The following PDGFRL variants were observed in gnomAD, a reference collection of about 807,000 sequenced individuals.
The protein encoded by PDGFRL is platelet-derived growth factor receptor-like protein.
Under a neutral mutation model 37.2 loss-of-function variants are expected in PDGFRL, and 46 were observed. The observed-to-expected ratio is 1.24, with a 90% CI of 0.98 to 1.58. The LOEUF is 1.58. Among genes scored for constraint, PDGFRL ranks in the 40% most tolerant of loss-of-function variants. The probability of loss-of-function intolerance (pLI) is 0.00; values close to 1 mark genes in which losing one functional copy is unlikely to be tolerated. For missense variants in PDGFRL, 692 were observed against 467.6 expected (o/e 1.48, Z -4.43); for synonymous variants, 251 against 184.3 (o/e 1.36, Z -2.93).
At chr8:17,632,307 T>G (rs147688276) in intron 4 of PDGFRL, among the ~76,000 whole-genome samples, 1,722 of 152,208 alleles carry the variant, frequency 0.011, 11 homozygotes, top group Non-Finnish European at 0.018. Flanking sequence ...TATGTCCACC[T>G]TTTCTTTCTC....
intron 2 of PDGFRL, among the ~76,000 whole-genome samples, chr8:17,593,085 T>C (rs987232162): frequency 6.6e-6 from 1 of 152,178 alleles, no homozygotes; most frequent in Admixed American, 6.5e-5. Context: ...TCTAGCATTG[T>C]GGATATAACA....
At chr8:17,641,944 A>C (rs1805119600) in intron 5 of PDGFRL, among the ~76,000 whole-genome samples, 1 of 118,798 alleles carries the variant, frequency 8.4e-6, no homozygotes, top group Admixed American at 1.2e-4. Context: ...GTATTCACTT[A>C]GTGATATATT....
upstream of PDGFRL, chr8:17,576,569 G>A: frequency 5.0e-6 from 1 of 198,564 alleles, no homozygotes; most frequent in Non-Finnish European, 9.1e-6. Flanking sequence ...ACCCTAGCCC[G>A]TGCTTACCCT....
rs901362796 is a variant in PDGFRL at position 17,628,394 on chromosome 8, C to T, written c.506-93C>T. 2.0e-5 allele frequency: 18 copies of T among 881,172 alleles called. No homozygotes were observed. In the African/African-American group the frequency reaches 2.7e-4, roughly 13 times the overall value. 54.6% of individuals were successfully genotyped at this position (881,172 alleles called of 1,614,324 possible). The stretch of plus-strand genomic sequence containing the variant: ...ACCCGGCCTTTCCTACTCCTAAGGA[C>T]TCAGTATTCAGAGTATGCTGCCAAA... On this transcript the variant is annotated intron_variant, in intron 3 of 5. Coordinates refer to ENST00000251630, the MANE Select transcript of PDGFRL (RefSeq NM_001372073.1).
chr8:17,599,757 C>G (rs920916077), intron 2 of PDGFRL, among the ~76,000 whole-genome samples: 1 of 152,324 alleles, frequency 6.6e-6, no homozygotes, highest in South Asian at 2.1e-4. Flanking sequence ...TATCCCCTAA[C>G]TTATTAAGAA....
chr8:17,613,831 C>T (rs1433892551), intron 2 of PDGFRL, among the ~76,000 whole-genome samples: 1 of 152,056 alleles, frequency 6.6e-6, no homozygotes, highest in Admixed American at 6.6e-5. Context: ...TGCCCTCCAG[C>T]CTGGGTAACA....
At chr8:17,600,472 C>A (rs1396502817) in intron 2 of PDGFRL, among the ~76,000 whole-genome samples, 1 of 152,070 alleles carries the variant, frequency 6.6e-6, no homozygotes, top group Non-Finnish European at 1.5e-5. Flanking sequence ...GAGCTCCAGA[C>A]TGAGCTACCT....
At chr8:17,623,352 T>C (rs1585326567) in intron 3 of PDGFRL, among the ~76,000 whole-genome samples, 2 of 152,358 alleles carry the variant, frequency 1.3e-5, no homozygotes, top group South Asian at 4.1e-4. Context: ...TGGAACTCGC[T>C]ACACAAGATT....
intron 1 of PDGFRL, among the ~76,000 whole-genome samples, chr8:17,583,527 G>T (rs1421654975): frequency 6.6e-6 from 1 of 152,174 alleles, no homozygotes; most frequent in Non-Finnish European, 1.5e-5. Context: ...AAGGATGCTT[G>T]TAATTTGCAG....
At chr8:17,591,858 G>T (rs1248097579) in intron 2 of PDGFRL, among the ~76,000 whole-genome samples, 2 of 152,310 alleles carry the variant, frequency 1.3e-5, no homozygotes, top group Middle Eastern at 3.4e-3. Flanking sequence ...GGAGGTTGCA[G>T]TGAGCCGAGA....
chr8:17,613,550 A>C (rs1164678284), intron 2 of PDGFRL, among the ~76,000 whole-genome samples: 1 of 152,098 alleles, frequency 6.6e-6, no homozygotes, highest in African/African-American at 2.4e-5. Context: ...CCCGTGAAGT[A>C]GTGGGGAAGT....
chr8:17,623,731 G>A (rs189765050), intron 3 of PDGFRL, among the ~76,000 whole-genome samples: 6 of 152,148 alleles, frequency 3.9e-5, no homozygotes, highest in African/African-American at 1.4e-4. Context: ...AAAGTTAGCT[G>A]GGCGTGGTGG....
chr8:17,629,413 C>G (rs956556534), intron 4 of PDGFRL, among the ~76,000 whole-genome samples: 2 of 152,132 alleles, frequency 1.3e-5, no homozygotes, highest in African/African-American at 4.8e-5. Flanking sequence ...TCCTTTAGAG[C>G]ATCCTCCCAG....
intron 2 of PDGFRL, among the ~76,000 whole-genome samples, chr8:17,602,200 C>A (rs1446692638): frequency 6.6e-6 from 1 of 152,164 alleles, no homozygotes; most frequent in Non-Finnish European, 1.5e-5. Context: ...GTTTGGATTT[C>A]TTTAATGATT....
rs150195459 is a variant in PDGFRL, at chr8:17,589,458, C to A, written c.56-10C>A. The A allele has an allele frequency of 6.9e-6, 11 of 1,603,390 alleles. No individual in the cohort carries two copies. Among genetic ancestry groups the A allele is most frequent in the East Asian group, 2.2e-5 (1 of 44,810 alleles). On this transcript the variant is annotated splice_polypyrimidine_tract_variant and intron_variant, in intron 1 of 5. Transcript: ENST00000251630. ...ACTACAGCGCATTTCTCTCTCCTTA[C>A]GTTTTGCAGTTACTGGCCAACACCT... is the stretch of plus-strand genomic sequence containing the variant.
At chr8:17,587,677 G>A (rs1310316548) in intron 1 of PDGFRL, among the ~76,000 whole-genome samples, 2 of 152,124 alleles carry the variant, frequency 1.3e-5, no homozygotes, top group African/African-American at 4.8e-5. Flanking sequence ...CCAGGCATTG[G>A]AGTGCAGTGG....
intron 1 of PDGFRL, among the ~76,000 whole-genome samples, chr8:17,583,788 C>A (rs113288701): frequency 6.6e-6 from 1 of 151,502 alleles, no homozygotes; most frequent in East Asian, 1.9e-4. Context: ...TTGCACCTCC[C>A]CTCTCTCTCT....
Position 17,642,991 on chromosome 8 carries a change from C to G in PDGFRL, c.*190C>G. 2.0e-6 allele frequency: 1 copy of G among 510,960 alleles called. No individual in the cohort carries two copies. Among genetic ancestry groups the G allele is most frequent in the Non-Finnish European group, 3.4e-6 (1 of 293,322 alleles). 31.7% of individuals were successfully genotyped at this position (510,960 alleles called of 1,614,324 possible). A position where few individuals can be genotyped will look rare whatever the true frequency, so the allele number is the denominator to read the frequency against. ...TCCAGTCTATTCACAGAAGTGTTAA[C>G]TTTTCTAACAGAAAGCATGATTTTG... On this transcript the variant is annotated 3_prime_UTR_variant, in exon 6 of 6. Transcript: ENST00000251630.
chr8:17,597,956 C>T (rs2705071), intron 2 of PDGFRL, among the ~76,000 whole-genome samples: 22,077 of 151,932 alleles, frequency 0.15, 4,292 homozygotes, highest in African/African-American at 0.43. Flanking sequence ...TATGGTATTC[C>T]ATCAATGTTA....
Sources: allele counts gnomAD v4.1 joint callset (sites outside exome capture counted in the v4.1 genomes callset), GRCh38; gene constraint gnomAD v4.1.1; transcripts MANE v1.5; gene names NCBI Gene and HGNC (gene_info 2026-07-23, HGNC 2026-07-21).